Variants in C1QTNF7 observed in about 807,000 individuals in gnomAD.
The protein encoded by C1QTNF7 is C1q and TNF related 7, also known as complement C1q tumor necrosis factor-related protein 7.
C1QTNF7 carries 15 observed loss-of-function variants against 19.6 expected under a neutral mutation model. The ratio of observed to expected loss-of-function variants is 0.76; its 90% CI spans 0.51 to 1.18. The LOEUF is 1.18. Among genes scored for constraint, C1QTNF7 ranks in the 50% most tolerant of loss-of-function variants. The pLI, the probability that C1QTNF7 is intolerant of heterozygous loss-of-function variation, is 0.00. For synonymous variants in C1QTNF7, 142 were observed against 137.5 expected, an observed-to-expected ratio of 1.03 and a Z score of -0.23; for missense variants, 324 against 359.7, an observed-to-expected ratio of 0.90 and a Z score of 0.80.
chr4:15,437,106 TAA>T (rs1415495208), intron 2 of C1QTNF7, among the ~76,000 whole-genome samples: 1 of 152,210 alleles, frequency 6.6e-6, no homozygotes, highest in Non-Finnish European at 1.5e-5. Context: ...CCTGTGAATA[TAA>T]GTTACAACTG....
intron 1 of C1QTNF7, among the ~76,000 whole-genome samples, chr4:15,379,724 G>A: frequency 6.6e-6 from 1 of 152,170 alleles, no homozygotes. Flanking sequence ...TTAGGGAAGA[G>A]GCTGTGGAAT....
At chr4:15,364,120 C>T (rs544737526) in intron 1 of C1QTNF7, among the ~76,000 whole-genome samples, 1 of 152,216 alleles carries the variant, frequency 6.6e-6, no homozygotes, top group African/African-American at 2.4e-5. Flanking sequence ...CCATCACACC[C>T]CTGACTTGTC....
At chr4:15,340,279 G>C in intron 1 of C1QTNF7, 2 of 1,503,586 alleles carry the variant, frequency 1.3e-6, no homozygotes, top group African/African-American at 1.4e-5. Flanking sequence ...TATTTCCTGG[G>C]AGAACTTAAG....
At chr4:15,403,427 C>T (rs1241678989) in intron 1 of C1QTNF7, among the ~76,000 whole-genome samples, 1 of 152,144 alleles carries the variant, frequency 6.6e-6, no homozygotes, top group East Asian at 1.9e-4. Flanking sequence ...AGGGTTTGTT[C>T]CTTCTGGAGG....
At chr4:15,403,509 G>A (rs1719069633) in intron 1 of C1QTNF7, among the ~76,000 whole-genome samples, 1 of 152,060 alleles carries the variant, frequency 6.6e-6, no homozygotes, top group Admixed American at 6.6e-5. Context: ...GGGGTTTCTG[G>A]GATCGTAGGC....
chr4:15,382,743 G>T lies in C1QTNF7; in HGVS notation c.13+42536G>T, dbSNP rs145311746. On this transcript the variant is annotated intron_variant, in intron 1 of 2. Transcript: ENST00000295297. ...ATTTGTCTCCTTATTTTTACAGCCA[G>T]ACTTTCTTAAAAAAAGCCACTGCTC... 1.3e-3 allele frequency among the ~76,000 whole-genome samples: 201 copies of T among 152,142 alleles called. 4 individuals carry two copies. The East Asian group carries it at 0.037, about 28-fold the overall frequency.
intron 1 of C1QTNF7, among the ~76,000 whole-genome samples, chr4:15,348,499 G>A (rs536418445): frequency 8.2e-4 from 125 of 152,248 alleles, no homozygotes; most frequent in African/African-American, 2.9e-3. Context: ...TGTAGCTCCA[G>A]GCAATACACT....
chr4:15,429,190 C>T (rs1441610557), intron 1 of C1QTNF7, among the ~76,000 whole-genome samples: 1 of 152,082 alleles, frequency 6.6e-6, no homozygotes, highest in Non-Finnish European at 1.5e-5. Context: ...TCCCTGCATT[C>T]CAATTCATTT....
Position 15,441,235 on chromosome 4 carries a change from C to A in C1QTNF7, c.239-933C>A, listed in dbSNP as rs115375164. On this transcript the variant is annotated intron_variant, in intron 2 of 2. Coordinates refer to ENST00000444304, the MANE Select transcript of C1QTNF7 (RefSeq NM_031911.5). ...GAGGTCAGACCACAGCTCCATCATT[C>A]ACTAGTTCTCTTCTCTTCAGTAAAG... is the stretch of plus-strand genomic sequence containing the variant. Among the ~76,000 whole-genome samples, 3 of 152,338 alleles carry A rather than the reference C, an allele frequency of 2.0e-5. No individual in the cohort carries two copies. In the East Asian group the frequency reaches 5.8e-4, roughly 29 times the overall value.
At chr4:15,431,719 T>C (rs1000014567) in intron 1 of C1QTNF7, among the ~76,000 whole-genome samples, 3 of 152,192 alleles carry the variant, frequency 2.0e-5, no homozygotes, top group Non-Finnish European at 4.4e-5. Context: ...AAAATTCTCC[T>C]CTTTCTCCAG....
intron 2 of C1QTNF7, among the ~76,000 whole-genome samples, chr4:15,438,912 T>C (rs1397136876): frequency 6.6e-6 from 1 of 152,182 alleles, no homozygotes. Flanking sequence ...GACGCATGTA[T>C]GTATGCATAG....
In C1QTNF7 at chr4:15,442,646, G is replaced by A; in HGVS notation, c.717G>A (p.Leu239=). 1 of 1,614,220 alleles carries A rather than the reference G, an allele frequency of 6.2e-7. No homozygotes were observed. The highest frequency in any genetic ancestry group is 8.5e-7 in the Non-Finnish European group (1 of 1,180,040). The change falls in exon 3 of 3, where the codon CTG becomes CTA. Residue 239 remains leucine (L), a synonymous_variant. Transcript: ENST00000444304. ...CTTCGGGGTCCACAGTCATCTATCT[G>A]CAGCCAGAAGATGAAGTCTGGCTGG... ...DVASGSTVIY[L]QPEDEVWLEI...
chr4:15,340,249 C>T (rs1716492493), intron 1 of C1QTNF7: 3 of 1,548,342 alleles, frequency 1.9e-6, no homozygotes, highest in Non-Finnish European at 2.6e-6. Context: ...TTTTTCCCTC[C>T]TATTCGGCCT....
chr4:15,421,426 A>G (rs1711754189), intron 1 of C1QTNF7, among the ~76,000 whole-genome samples: 1 of 152,168 alleles, frequency 6.6e-6, no homozygotes, highest in Non-Finnish European at 1.5e-5. Context: ...AATGGCACTT[A>G]CCAAAGAACA....
intron 2 of C1QTNF7, among the ~76,000 whole-genome samples, chr4:15,439,294 C>G (rs1467970391): frequency 6.6e-6 from 1 of 152,190 alleles, no homozygotes; most frequent in Non-Finnish European, 1.5e-5. Context: ...TATAGAAAAT[C>G]CAAACTTTCA....
chr4:15,402,153 G>A (rs934916958), intron 1 of C1QTNF7, among the ~76,000 whole-genome samples: 4 of 152,178 alleles, frequency 2.6e-5, no homozygotes, highest in African/African-American at 9.7e-5. Context: ...GATATCACAA[G>A]CGGAGCCTGG....
At chr4:15,425,871 G>A (rs1047301203), upstream of C1QTNF7, among the ~76,000 whole-genome samples, 1 of 152,030 alleles carries the variant, frequency 6.6e-6, no homozygotes, top group Non-Finnish European at 1.5e-5. Context: ...TATGTGTGTA[G>A]TGGTGAGCAG....
In C1QTNF7 at chr4:15,361,063, C is replaced by A. The variant is rs1577234954; in HGVS notation, c.13+20856C>A. 2.0e-5 allele frequency: 3 copies of A among 152,230 alleles called. No homozygotes were observed. In the South Asian group the frequency reaches 6.2e-4, roughly 32 times the overall value. 9.4% of individuals were successfully genotyped at this position (152,230 alleles called of 1,614,324 possible). ...ATATTTCTAATAAGGAAAAGCAATT[C>A]TATTTAGTATTTAAAAGGATTAAAG... On this transcript the variant is annotated intron_variant, in intron 1 of 2. Coordinates refer to the C1QTNF7 transcript ENST00000295297.
chr4:15,408,227 G>T (rs1202484646), intron 1 of C1QTNF7, among the ~76,000 whole-genome samples: 3 of 140,514 alleles, frequency 2.1e-5, no homozygotes, highest in Admixed American at 7.6e-5. Context: ...AGCCGTAATT[G>T]CGTCACTGCA....
Sources: gnomAD v4.1 joint callset for allele counts (sites outside exome capture counted in the v4.1 genomes callset) on GRCh38, gnomAD v4.1.1 for gene constraint, MANE v1.5 for transcripts, NCBI Gene and HGNC (gene_info 2026-07-23, HGNC 2026-07-21) for gene names.